The following SYNPR variants were observed in gnomAD, a reference collection of about 807,000 sequenced individuals.
SYNPR encodes the protein synaptoporin.
SYNPR carries 23 observed loss-of-function variants against 32.9 expected under a neutral mutation model. The ratio of observed to expected loss-of-function variants is 0.70; its 90% CI spans 0.50 to 0.99. SYNPR has a LOEUF of 0.99. Ranked by LOEUF, SYNPR falls within the 50% of genes least tolerant of loss-of-function variation. The probability of loss-of-function intolerance (pLI) is 0.00; values close to 1 mark genes in which losing one functional copy is unlikely to be tolerated. For synonymous variants in SYNPR, 146 were observed against 135.9 expected (o/e 1.07, Z -0.52); for missense variants, 318 against 349.3 (o/e 0.91, Z 0.71).
At chr3:63,542,457 A>G (rs1017664274) in intron 3 of SYNPR, among the ~76,000 whole-genome samples, 1 of 152,096 alleles carries the variant, frequency 6.6e-6, no homozygotes, top group Non-Finnish European at 1.5e-5. Context: ...TCCCTTTAGG[A>G]ATGAGATAAA....
upstream of SYNPR, among the ~76,000 whole-genome samples, chr3:63,275,006 C>T (rs1166219801): frequency 6.6e-6 from 1 of 152,140 alleles, no homozygotes; most frequent in Admixed American, 6.6e-5. Context: ...TGGCTCAAAA[C>T]AAAAGAGAAT....
intron 2 of SYNPR, among the ~76,000 whole-genome samples, chr3:63,459,996 G>C (rs1839734): frequency 0.69 from 104,332 of 151,908 alleles, 36,855 homozygotes; most frequent in African/African-American, 0.86. Context: ...TCACTTCGCT[G>C]TCTGTCTCAG....
intron 2 of SYNPR, among the ~76,000 whole-genome samples, chr3:63,363,873 C>T (rs2087695241): frequency 6.6e-6 from 1 of 152,080 alleles, no homozygotes; most frequent in Non-Finnish European, 1.5e-5. Flanking sequence ...TTTTTATAAC[C>T]TCCCAAAAGG....
At chr3:63,481,036 GTCT>G (rs1295615555) in intron 3 of SYNPR, 80 bp downstream of exon 3, 2 of 1,529,444 alleles carry the variant, frequency 1.3e-6, no homozygotes, top group African/African-American at 2.8e-5. Context: ...AAAAAATGCA[GTCT>G]TCCAGGGACT....
chr3:63,284,495 C>T (rs2086661455), intron 2 of SYNPR, among the ~76,000 whole-genome samples: 1 of 152,100 alleles, frequency 6.6e-6, no homozygotes, highest in Non-Finnish European at 1.5e-5. Flanking sequence ...CTGCTATAAC[C>T]CTGGGTTTCA....
At chr3:63,416,918 G>A (rs1325566143) in intron 2 of SYNPR, among the ~76,000 whole-genome samples, 2 of 152,062 alleles carry the variant, frequency 1.3e-5, no homozygotes, top group East Asian at 1.9e-4. Flanking sequence ...GATTTAGGTG[G>A]GGACACAGCC....
intron 4 of SYNPR, among the ~76,000 whole-genome samples, chr3:63,569,675 C>G (rs1165339711): frequency 6.6e-6 from 1 of 152,240 alleles, no homozygotes; most frequent in African/African-American, 2.4e-5. Flanking sequence ...AAGCGTAGGC[C>G]CAGTGCTGGG....
At chr3:63,526,380 A>G (rs920399551) in intron 3 of SYNPR, among the ~76,000 whole-genome samples, 9 of 152,128 alleles carry the variant, frequency 5.9e-5, no homozygotes, top group African/African-American at 2.2e-4. Flanking sequence ...TCACCTGTTC[A>G]CTTTGTTTTC....
At chr3:63,252,253 C>T (rs888326640) in intron 1 of SYNPR, among the ~76,000 whole-genome samples, 1 of 152,102 alleles carries the variant, frequency 6.6e-6, no homozygotes, top group African/African-American at 2.4e-5. Flanking sequence ...TGAGATGTTT[C>T]ATTTCATATT....
At chr3:63,546,433 A>G (rs1702402840) in intron 3 of SYNPR, among the ~76,000 whole-genome samples, 1 of 151,576 alleles carries the variant, frequency 6.6e-6, no homozygotes, top group Non-Finnish European at 1.5e-5. Flanking sequence ...ACCACAATAC[A>G]CTTTCAATAA....
At chr3:63,391,423 C>T (rs1237452284) in intron 2 of SYNPR, among the ~76,000 whole-genome samples, 2 of 152,198 alleles carry the variant, frequency 1.3e-5, no homozygotes, top group South Asian at 4.1e-4. Flanking sequence ...TCTATAATCA[C>T]CATTGTCTGA....
intron 2 of SYNPR, among the ~76,000 whole-genome samples, chr3:63,303,902 T>A (rs969041726): frequency 6.6e-6 from 1 of 151,996 alleles, no homozygotes; most frequent in Admixed American, 6.6e-5. Flanking sequence ...TCTACCAAGA[T>A]AATGTAGTTA....
chr3:63,393,756 C>A (rs949625280), intron 2 of SYNPR, among the ~76,000 whole-genome samples: 7 of 152,054 alleles, frequency 4.6e-5, no homozygotes, highest in African/African-American at 1.7e-4. Context: ...AGCAATCCTC[C>A]CACCTCAGCC....
At chr3:63,574,683 T>G (rs968030913) in intron 4 of SYNPR, among the ~76,000 whole-genome samples, 3 of 152,136 alleles carry the variant, frequency 2.0e-5, no homozygotes, top group African/African-American at 7.2e-5. Flanking sequence ...TCATAAGATC[T>G]TTGAGTGCAG....
At chr3:63,237,149 G>T (rs189486703) in intron 1 of SYNPR, among the ~76,000 whole-genome samples, 2 of 151,918 alleles carry the variant, frequency 1.3e-5, no homozygotes, top group Non-Finnish European at 2.9e-5. Flanking sequence ...CAATTCATAC[G>T]ATCATGATTT....
chr3:63,616,215 A>C lies in SYNPR; in HGVS notation c.*734A>C, dbSNP rs555920828. The C allele has an allele frequency of 5.3e-5, 8 of 152,346 alleles. No homozygotes were observed. Among genetic ancestry groups the C allele is most frequent in the African/African-American group, 1.9e-4 (8 of 41,584 alleles). 9.4% of individuals were successfully genotyped at this position (152,346 alleles called of 1,614,324 possible). A position where few individuals can be genotyped will look rare whatever the true frequency, so the allele number is the denominator to read the frequency against. ...TTTTTCTTTTCCCCCATTAGTAAAC[A>C]TTTAGTGCTACATATGATAACTGCC... On this transcript the variant is annotated 3_prime_UTR_variant, in exon 6 of 6. Coordinates refer to ENST00000478300, the MANE Select transcript of SYNPR (RefSeq NM_001130003.2).
chr3:63,437,644 A>T (rs1575643712), intron 2 of SYNPR, among the ~76,000 whole-genome samples: 1 of 138,946 alleles, frequency 7.2e-6, no homozygotes, highest in African/African-American at 2.6e-5. Context: ...GAAGGGAGGT[A>T]GGGAGGGAGG....
intron 3 of SYNPR, among the ~76,000 whole-genome samples, chr3:63,493,815 CAAAAAA>C (rs3083190): frequency 1.3e-5 from 1 of 75,094 alleles, no homozygotes; most frequent in Non-Finnish European, 2.4e-5. Flanking sequence ...GACTCTGTCT[CAAAAAA>C]AAAAAAAAAA....
At chr3:63,258,626 T>C (rs557473750) in intron 2 of SYNPR, among the ~76,000 whole-genome samples, 1 of 152,096 alleles carries the variant, frequency 6.6e-6, no homozygotes, top group Admixed American at 6.5e-5. Context: ...GCAGGAAAGA[T>C]CTAAAATTGA....
Sources: allele counts gnomAD v4.1 joint callset (sites outside exome capture counted in the v4.1 genomes callset), GRCh38; gene constraint gnomAD v4.1.1; transcripts MANE v1.5; gene names NCBI Gene and HGNC (gene_info 2026-07-23, HGNC 2026-07-21).